The following CDH4 variants were observed in gnomAD, a reference collection of about 807,000 sequenced individuals.
CDH4 encodes cadherin 4, also known as cadherin-4.
CDH4 carries 33 observed loss-of-function variants against 86.0 expected under a neutral mutation model. The ratio of observed to expected loss-of-function variants is 0.38; its 90% CI spans 0.29 to 0.51. CDH4 has a LOEUF of 0.51. Ranked by LOEUF, CDH4 falls within the 20% of genes least tolerant of loss-of-function variation. The pLI is 0.86. For synonymous variants in CDH4, 555 were observed against 549.4 expected (o/e 1.01, Z -0.14); for missense variants, 1,114 against 1,307.4 (o/e 0.85, Z 2.28).
At chr20:61,621,255 T>G (rs975418715) in intron 2 of CDH4, among the ~76,000 whole-genome samples, 4 of 152,246 alleles carry the variant, frequency 2.6e-5, no homozygotes, top group African/African-American at 9.6e-5. Context: ...TATTTGCTTC[T>G]GTACTGCCCT....
intron 6 of CDH4, among the ~76,000 whole-genome samples, chr20:61,869,405 C>T (rs1983697795): frequency 1.3e-5 from 2 of 152,330 alleles, no homozygotes; most frequent in East Asian, 1.9e-4. Context: ...AATGTGTGCC[C>T]GCAAAGCCTG....
chr20:61,693,265 C>T (rs974254930), intron 2 of CDH4, among the ~76,000 whole-genome samples: 3 of 150,172 alleles, frequency 2.0e-5, no homozygotes, highest in Admixed American at 6.7e-5. Context: ...CCACGTCGGG[C>T]CTGTTCCTGG....
At chr20:61,889,020 C>G (rs1369301369) in intron 7 of CDH4, among the ~76,000 whole-genome samples, 4 of 152,238 alleles carry the variant, frequency 2.6e-5, no homozygotes, top group Non-Finnish European at 5.9e-5. Flanking sequence ...TCCCCTCCCT[C>G]ACGGCCTCTG....
chr20:61,606,155 G>T (rs1363095988), intron 2 of CDH4, among the ~76,000 whole-genome samples: 1 of 152,188 alleles, frequency 6.6e-6, no homozygotes, highest in Non-Finnish European at 1.5e-5. Context: ...GCCAGGGTTT[G>T]CAGGGCACCT....
chr20:61,451,664 A>C (rs1366556861), intron 2 of CDH4, among the ~76,000 whole-genome samples: 1 of 151,662 alleles, frequency 6.6e-6, no homozygotes, highest in East Asian at 2.0e-4. Context: ...AAACTGTAGA[A>C]GGTGGGAGGG....
chr20:61,630,776 T>C (rs1317549106), intron 2 of CDH4, among the ~76,000 whole-genome samples: 1 of 152,210 alleles, frequency 6.6e-6, no homozygotes, highest in African/African-American at 2.4e-5. Context: ...CTGAAATGAC[T>C]CTCTGGGTAG....
intron 4 of CDH4, among the ~76,000 whole-genome samples, chr20:61,823,477 A>G (rs145205498): frequency 1.8e-4 from 27 of 152,150 alleles, no homozygotes; most frequent in Non-Finnish European, 2.8e-4. Context: ...AGCACTTCCT[A>G]TGAGTCATCT....
rs6121415 is a variant in CDH4 at position 61,501,138 on chromosome 20, A to G, written c.170-242425A>G. ...GAAACATGTTTCTGTAGAGCCCAAA[A>G]CAGGCCACATCCGCTCCTGCTCTGA... On this transcript the variant is annotated intron_variant, in intron 2 of 15. Transcript: ENST00000614565. The surrounding 1 kb of genome is among the most constrained non-coding windows in gnomAD (Gnocchi z 4.2). Among the ~76,000 whole-genome samples the G allele has an allele frequency of 8.6e-3, 1,311 of 152,190 alleles. 18 individuals carry two copies. Among genetic ancestry groups the G allele is most frequent in the African/African-American group, 0.03 (1,261 of 41,538 alleles).
At chr20:61,552,721 AAAAC>A (rs1208899811) in intron 2 of CDH4, among the ~76,000 whole-genome samples, 1 of 152,112 alleles carries the variant, frequency 6.6e-6, no homozygotes, top group Non-Finnish European at 1.5e-5. Context: ...ATGAAAGAAA[AAAAC>A]AAAAACAAAA....
intron 6 of CDH4, among the ~76,000 whole-genome samples, chr20:61,864,278 G>A (rs34314835): frequency 0.29 from 44,542 of 152,074 alleles, 8,208 homozygotes; most frequent in Non-Finnish European, 0.41. Context: ...GAGCTGACGG[G>A]GCCAGTTCTG....
intron 2 of CDH4, among the ~76,000 whole-genome samples, chr20:61,404,859 G>T (rs1165356208): frequency 6.6e-6 from 1 of 151,898 alleles, no homozygotes; most frequent in Non-Finnish European, 1.5e-5. Context: ...GAACATCCTG[G>T]CTAACACGGT....
rs144795274 is a variant in CDH4, at chr20:61,280,458, G to A, written c.169+25521G>A. On this transcript the variant is annotated intron_variant, in intron 2 of 15. Transcript: ENST00000614565. The stretch of plus-strand genomic sequence containing the variant: ...ACACACAGCCCCTGCCTTGGAAGAC[G>A]GTGCCCTGGTAAGTTCTCTTCCAAC... Among the ~76,000 whole-genome samples the A allele has an allele frequency of 5.8e-3, 889 of 152,276 alleles. 4 individuals carry two copies. The highest frequency in any genetic ancestry group is 0.02 in the African/African-American group (834 of 41,558).
At chr20:61,540,682 G>T (rs539880926) in intron 2 of CDH4, among the ~76,000 whole-genome samples, 1 of 152,218 alleles carries the variant, frequency 6.6e-6, no homozygotes, top group African/African-American at 2.4e-5. Context: ...ACTTTCAACA[G>T]ATTTTTCTGT....
At chr20:61,535,303 G>C (rs1460438075) in intron 2 of CDH4, among the ~76,000 whole-genome samples, 1 of 152,198 alleles carries the variant, frequency 6.6e-6, no homozygotes, top group Non-Finnish European at 1.5e-5. Context: ...GGCTGAGTCA[G>C]GTGCAGAGGT....
At chr20:61,646,899 T>C (rs2087066847) in intron 2 of CDH4, among the ~76,000 whole-genome samples, 1 of 152,262 alleles carries the variant, frequency 6.6e-6, no homozygotes, top group South Asian at 2.1e-4. Context: ...AATACTGAAC[T>C]TCCACGTTGG....
intron 2 of CDH4, among the ~76,000 whole-genome samples, chr20:61,258,350 A>AAAAAAAAAAAAAAAACAAC (rs2084112120): frequency 6.7e-6 from 1 of 149,734 alleles, no homozygotes; most frequent in Non-Finnish European, 1.5e-5. Flanking sequence ...AAAAAAGAAA[A>AAAAAAAAAAAAAAAACAAC]AAAAAAAAGA....
intron 6 of CDH4, among the ~76,000 whole-genome samples, chr20:61,863,758 CCG>C (rs1488985181): frequency 6.6e-6 from 1 of 152,160 alleles, no homozygotes; most frequent in Non-Finnish European, 1.5e-5. Flanking sequence ...GCCGAGGCTC[CCG>C]GAGGTGAAGC....
At chr20:61,542,094 C>T (rs2086043688) in intron 2 of CDH4, among the ~76,000 whole-genome samples, 1 of 152,184 alleles carries the variant, frequency 6.6e-6, no homozygotes, top group African/African-American at 2.4e-5. Context: ...TGAGCCCATA[C>T]CCAGAGGGCA....
chr20:61,916,985 C>T (rs1442834836), intron 9 of CDH4, among the ~76,000 whole-genome samples: 1 of 152,224 alleles, frequency 6.6e-6, no homozygotes, highest in Non-Finnish European at 1.5e-5. Flanking sequence ...AAGGAGAGCA[C>T]TCCTGGGCAA....
Sources: allele counts gnomAD v4.1 joint callset (sites outside exome capture counted in the v4.1 genomes callset), GRCh38; gene constraint gnomAD v4.1.1; non-coding constraint Gnocchi (gnomAD v3.1); transcripts MANE v1.5; gene names NCBI Gene and HGNC (gene_info 2026-07-23, HGNC 2026-07-21).